The following MYO1B variants were observed in gnomAD, a reference collection of about 807,000 sequenced individuals.
MYO1B encodes the protein unconventional myosin-Ib.
A neutral mutation model predicts 159.7 loss-of-function variants in MYO1B; 72 were observed. That is an observed-to-expected ratio of 0.45 (90% CI 0.37 to 0.55). The LOEUF is 0.55. Among genes scored for constraint, MYO1B ranks in the 20% least tolerant of loss-of-function variants. MYO1B has a pLI of 0.00. For synonymous variants in MYO1B, 468 were observed against 473.8 expected (o/e 0.99, Z 0.16); for missense variants, 1,062 against 1,364.8 (o/e 0.78, Z 3.50).
At chr2:191,372,588 G>A (rs1694428129) in intron 13 of MYO1B, among the ~76,000 whole-genome samples, 4 of 152,164 alleles carry the variant, frequency 2.6e-5, no homozygotes, top group Admixed American at 2.6e-4. Flanking sequence ...TATCCTATCA[G>A]GTAGGAAAGT....
At chr2:191,408,234 T>C in intron 25 of MYO1B, 45 bp downstream of exon 25, 1 of 1,411,400 alleles carries the variant, frequency 7.1e-7, no homozygotes, top group South Asian at 1.2e-5. Flanking sequence ...ATTGTGGAAT[T>C]ACCCACCTAA....
intron 1 of MYO1B, among the ~76,000 whole-genome samples, chr2:191,257,638 G>GA (rs1314201185): frequency 6.6e-6 from 1 of 152,152 alleles, no homozygotes; most frequent in Non-Finnish European, 1.5e-5. Flanking sequence ...TTATCTACAG[G>GA]AATTTATTCT....
chr2:191,411,323 A>G, intron 27 of MYO1B, 151 bp downstream of exon 27: 4 of 554,458 alleles, frequency 7.2e-6, no homozygotes, highest in Non-Finnish European at 1.3e-5. Context: ...ATGTAAACAC[A>G]TTTATTTGAG....
At chr2:191,260,814 G>A (rs1357445730) in intron 1 of MYO1B, among the ~76,000 whole-genome samples, 1 of 152,118 alleles carries the variant, frequency 6.6e-6, no homozygotes, top group Non-Finnish European at 1.5e-5. Flanking sequence ...TTGACTCTAT[G>A]TCTGGTTGTG....
Position 191,289,624 on chromosome 2 carries a change from C to T in MYO1B, c.136-6487C>T, listed in dbSNP as rs148728715. ...GACAGATTGGATGCCTAGTTAGAGC[C>T]CAGCAAACAGAGGCTTTAAAAATAG... On this transcript the variant is annotated intron_variant, in intron 2 of 30. Coordinates refer to ENST00000392318, the MANE Select transcript of MYO1B (RefSeq NM_001130158.3). Among the ~76,000 whole-genome samples, 198 of 151,954 alleles carry T rather than the reference C, an allele frequency of 1.3e-3. 1 individual carries two copies. The highest frequency in any genetic ancestry group is 4.5e-3 in the African/African-American group (185 of 41,428).
chr2:191,306,449 G>T (rs1278042220), intron 3 of MYO1B, among the ~76,000 whole-genome samples: 1 of 152,156 alleles, frequency 6.6e-6, no homozygotes, highest in Non-Finnish European at 1.5e-5. Context: ...AGGTCACAAA[G>T]AACTTTTGTG....
rs746730208 is a variant in MYO1B at position 191,341,513 on chromosome 2, A to G, written c.399A>G (p.Ala133=). 1 of 1,614,132 alleles carries G rather than the reference A, an allele frequency of 6.2e-7. No individual in the cohort carries two copies. The highest frequency in any genetic ancestry group is 8.5e-7 in the Non-Finnish European group (1 of 1,179,994). Residue 133 remains alanine, a synonymous_variant, in exon 5 of 31, where the codon GCA becomes GCG. Transcript: ENST00000392318. The part of the protein sequence containing the change: ...SYVAAVCGKG[A]EVNQVKEQLL... ...TGGCAGCTGTTTGTGGAAAAGGAGC[A>G]GAAGTTAATCAAGTTAAAGAACAGC...
chr2:191,275,144 T>G (rs1005571496), intron 1 of MYO1B, among the ~76,000 whole-genome samples: 1 of 152,048 alleles, frequency 6.6e-6, no homozygotes, highest in Non-Finnish European at 1.5e-5. Context: ...GACCTCATGA[T>G]CCACCTGCCT....
At chr2:191,313,859 CATG>C (rs2125870532) in intron 3 of MYO1B, among the ~76,000 whole-genome samples, 1 of 152,274 alleles carries the variant, frequency 6.6e-6, no homozygotes, top group East Asian at 1.9e-4. Flanking sequence ...GAAGAGAGAG[CATG>C]ATAAGATCTT....
In MYO1B at chr2:191,390,374, T is replaced by C. The variant is rs753799771; in HGVS notation, c.1864T>C (p.Leu622=). The change falls in exon 18 of 31, where the codon TTG becomes CTG. Residue 622 remains leucine, a synonymous_variant. Transcript: ENST00000392318. The part of the protein sequence containing the change: ...VCHQIRYLGL[L]ENVRVRRAGY... ...TCATCAGATCAGGTACCTGGGGCTT[T>C]TGGAGAACGTCCGAGTGCGGAGGGC... 3.7e-6 allele frequency: 6 copies of C among 1,614,150 alleles called. No homozygotes were observed. The African/African-American group carries it at 5.3e-5, about 14-fold the overall frequency.
intron 30 of MYO1B, among the ~76,000 whole-genome samples, chr2:191,417,027 T>C (rs1371395623): frequency 1.3e-5 from 2 of 152,242 alleles, no homozygotes; most frequent in African/African-American, 4.8e-5. Context: ...CTTAATTGGT[T>C]ACCTTTCAAT....
chr2:191,320,178 A>G (rs185353585), intron 3 of MYO1B, among the ~76,000 whole-genome samples: 4 of 152,176 alleles, frequency 2.6e-5, no homozygotes, highest in Non-Finnish European at 2.9e-5. Flanking sequence ...TTCAACAGGC[A>G]ACACGGACCA....
At chr2:191,360,824 C>T in intron 8 of MYO1B, 95 bp downstream of exon 8, 7 of 827,584 alleles carry the variant, frequency 8.5e-6, no homozygotes, top group Non-Finnish European at 1.3e-5. Flanking sequence ...CCAGGCCGGT[C>T]TCTAATTCCT....
chr2:191,262,556 T>C (rs1334975629), intron 1 of MYO1B, among the ~76,000 whole-genome samples: 1 of 152,040 alleles, frequency 6.6e-6, no homozygotes, highest in Non-Finnish European at 1.5e-5. Context: ...GCCATCTTGA[T>C]GTGTGACATA....
At chr2:191,420,158 G>A (rs552676259) in intron 30 of MYO1B, among the ~76,000 whole-genome samples, 17 of 152,306 alleles carry the variant, frequency 1.1e-4, no homozygotes, top group Non-Finnish European at 1.8e-4. Flanking sequence ...AGCCATGATT[G>A]CTCCAGTGAA....
intron 3 of MYO1B, among the ~76,000 whole-genome samples, chr2:191,314,713 C>T (rs1254518850): frequency 1.3e-5 from 2 of 152,064 alleles, no homozygotes; most frequent in Non-Finnish European, 2.9e-5. Context: ...TAATTAAGTT[C>T]GTTTTCCACA....
chr2:191,370,339 G>A, intron 13 of MYO1B, 47 bp downstream of exon 13: 1 of 1,317,558 alleles, frequency 7.6e-7, no homozygotes. Flanking sequence ...GAGTGGAATG[G>A]TTGGAAATTA....
At chr2:191,342,035 T>C (rs1692256427) in intron 5 of MYO1B, among the ~76,000 whole-genome samples, 1 of 152,180 alleles carries the variant, frequency 6.6e-6, no homozygotes, top group Admixed American at 6.5e-5. Context: ...GTTCTCTGTC[T>C]TAGCTTGGGC....
At chr2:191,407,381 ATACT>A (rs1365462822) in intron 24 of MYO1B, among the ~76,000 whole-genome samples, 1 of 152,230 alleles carries the variant, frequency 6.6e-6, no homozygotes, top group African/African-American at 2.4e-5. Context: ...ATGGTAATAA[ATACT>A]TAAGATATTT....
Sources: allele counts gnomAD v4.1 joint callset (sites outside exome capture counted in the v4.1 genomes callset), GRCh38; gene constraint gnomAD v4.1.1; transcripts MANE v1.5; gene names NCBI Gene and HGNC (gene_info 2026-07-23, HGNC 2026-07-21).